Variants in ZNF609 observed in about 807,000 individuals in gnomAD.
ZNF609 encodes the protein zinc finger protein 609.
A neutral mutation model predicts 109.5 loss-of-function variants in ZNF609; 11 were observed. The observed-to-expected ratio is 0.10, with a 90% CI of 0.06 to 0.17. The LOEUF (loss-of-function observed/expected upper bound fraction) is 0.17. ZNF609 is among the 10% of genes least tolerant of loss of function. The pLI, the probability that ZNF609 is intolerant of heterozygous loss-of-function variation, is 1.00. For synonymous variants in ZNF609, 646 were observed against 662.0 expected (o/e 0.98, Z 0.37); for missense variants, 1,559 against 1,772.4 (o/e 0.88, Z 2.16).
intron 2 of ZNF609, among the ~76,000 whole-genome samples, chr15:64,560,368 T>G (rs1953547347): frequency 7.0e-6 from 1 of 141,984 alleles, no homozygotes; most frequent in Non-Finnish European, 1.6e-5. Flanking sequence ...TTTAATTTGT[T>G]TTTTTTTTTC....
At chr15:64,630,793 TTTTG>T (rs139027831) in intron 3 of ZNF609, among the ~76,000 whole-genome samples, 6,463 of 152,248 alleles carry the variant, frequency 0.042, 452 homozygotes, top group African/African-American at 0.15. Context: ...TTGTTTTCTT[TTTTG>T]TTTGTTTGTT....
chr15:64,654,493 G>A (rs1387526433), intron 3 of ZNF609: 3 of 151,898 alleles, frequency 2.0e-5, no homozygotes, highest in Admixed American at 6.6e-5. Context: ...AGAGATGGGA[G>A]TCTTGTAATG....
chr15:64,525,791 T>G (rs1228311248), intron 2 of ZNF609, among the ~76,000 whole-genome samples: 1 of 149,090 alleles, frequency 6.7e-6, no homozygotes, highest in Non-Finnish European at 1.5e-5. Context: ...CCCTTTTTCT[T>G]TTTTTTTTTT....
chr15:64,504,541 G>A (rs938556314), intron 2 of ZNF609, among the ~76,000 whole-genome samples: 5 of 152,140 alleles, frequency 3.3e-5, no homozygotes, highest in South Asian at 4.2e-4. Context: ...GCACGATCTC[G>A]GCTCATTGCA....
At chr15:64,665,338 G>GTGAA (rs895205263) in intron 3 of ZNF609, among the ~76,000 whole-genome samples, 55 of 152,338 alleles carry the variant, frequency 3.6e-4, no homozygotes, top group African/African-American at 1.3e-3. Flanking sequence ...ACCACTAATA[G>GTGAA]TGAACCCTTG....
At chr15:64,595,797 G>A (rs1452860245) in intron 2 of ZNF609, among the ~76,000 whole-genome samples, 1 of 152,104 alleles carries the variant, frequency 6.6e-6, no homozygotes, top group Non-Finnish European at 1.5e-5. Flanking sequence ...GAGGTTTGGG[G>A]CAAAGTCTTA....
At chr15:64,592,773 A>C (rs1895323213) in intron 2 of ZNF609, among the ~76,000 whole-genome samples, 2 of 149,770 alleles carry the variant, frequency 1.3e-5, no homozygotes, top group Non-Finnish European at 3.0e-5. Context: ...AAAAAAAAAA[A>C]AATTAGCCCG....
At chr15:64,486,358 T>C (rs544074781) in intron 1 of ZNF609, among the ~76,000 whole-genome samples, 1 of 152,198 alleles carries the variant, frequency 6.6e-6, no homozygotes, top group South Asian at 2.1e-4. Flanking sequence ...ACCCCGTCTC[T>C]ACTAAAAATA....
intron 2 of ZNF609, among the ~76,000 whole-genome samples, chr15:64,547,080 A>G (rs663005): frequency 0.98 from 148,750 of 152,218 alleles, 72,751 homozygotes; most frequent in Non-Finnish European, 1. Context: ...ATGAGCCACC[A>G]CGCCTGGCCC....
intron 3 of ZNF609, among the ~76,000 whole-genome samples, chr15:64,662,768 C>T (rs765867492): frequency 9.2e-5 from 14 of 152,106 alleles, no homozygotes; most frequent in Non-Finnish European, 1.8e-4. Context: ...CAGGCTCACG[C>T]GATTCTCTTG....
intron 2 of ZNF609, among the ~76,000 whole-genome samples, chr15:64,588,849 G>A (rs1459134146): frequency 6.6e-6 from 1 of 152,070 alleles, no homozygotes; most frequent in Non-Finnish European, 1.5e-5. Flanking sequence ...TATTGGTCAG[G>A]CTGGTCTCGA....
At chr15:64,592,016 A>G (rs1347897777) in intron 2 of ZNF609, among the ~76,000 whole-genome samples, 3 of 151,532 alleles carry the variant, frequency 2.0e-5, no homozygotes, top group Non-Finnish European at 2.9e-5. Context: ...GCCTTTTTTT[A>G]ATCAGCTGGT....
chr15:64,537,305 C>T (rs537784206), intron 2 of ZNF609, among the ~76,000 whole-genome samples: 1 of 151,480 alleles, frequency 6.6e-6, no homozygotes, highest in Non-Finnish European at 1.5e-5. Flanking sequence ...CGAGACCACC[C>T]TAACCAACAT....
intron 1 of ZNF609, among the ~76,000 whole-genome samples, chr15:64,467,597 A>C (rs749904497): frequency 1.3e-5 from 2 of 152,258 alleles, no homozygotes; most frequent in Non-Finnish European, 2.9e-5. Flanking sequence ...CTCTAATCTA[A>C]GCACTTTGGG....
At chr15:64,567,547 A>G (rs1894796430) in intron 2 of ZNF609, among the ~76,000 whole-genome samples, 1 of 152,178 alleles carries the variant, frequency 6.6e-6, no homozygotes, top group Non-Finnish European at 1.5e-5. Flanking sequence ...TTTCTTGTGG[A>G]AGAAATAAAG....
At chr15:64,461,753 A>T (rs1892943440) in intron 1 of ZNF609, among the ~76,000 whole-genome samples, 1 of 152,130 alleles carries the variant, frequency 6.6e-6, no homozygotes, top group Non-Finnish European at 1.5e-5. Context: ...AGTGAGAAAG[A>T]TAGGGAAGAA....
chr15:64,525,781 C>T (rs1167668540), intron 2 of ZNF609, among the ~76,000 whole-genome samples: 1 of 151,440 alleles, frequency 6.6e-6, no homozygotes, highest in African/African-American at 2.4e-5. Context: ...ACAAATCTTG[C>T]CCTTTTTCTT....
At chr15:64,635,140 TCC>T (rs1382071280) in intron 3 of ZNF609, among the ~76,000 whole-genome samples, 1 of 151,942 alleles carries the variant, frequency 6.6e-6, no homozygotes, top group African/African-American at 2.4e-5. Context: ...ACCTCCTCCC[TCC>T]CCCAAGCAAA....
At chr15:64,594,442 C>T (rs949436618) in intron 2 of ZNF609, among the ~76,000 whole-genome samples, 2 of 151,744 alleles carry the variant, frequency 1.3e-5, no homozygotes, top group Non-Finnish European at 2.9e-5. Flanking sequence ...AGGTGATCCT[C>T]TCACCTCAGC....
Sources: gnomAD v4.1 joint callset for allele counts (sites outside exome capture counted in the v4.1 genomes callset) on GRCh38, gnomAD v4.1.1 for gene constraint, MANE v1.5 for transcripts, NCBI Gene and HGNC (gene_info 2026-07-23, HGNC 2026-07-21) for gene names.